Variants in ARID1B observed in about 807,000 individuals in gnomAD.
ARID1B encodes AT-rich interactive domain-containing protein 1B.
ARID1B carries 30 observed loss-of-function variants against 212.3 expected under a neutral mutation model. That is an observed-to-expected ratio of 0.14 (90% CI 0.11 to 0.19). The LOEUF (loss-of-function observed/expected upper bound fraction) is 0.19, where lower values mean the gene tolerates loss of function less well. ARID1B is among the 10% of genes least tolerant of loss of function. ARID1B has a pLI of 1.00. For synonymous variants in ARID1B, 1,402 were observed against 1,301.7 expected (o/e 1.08, Z -1.66); for missense variants, 2,891 against 3,204.0 (o/e 0.90, Z 2.36).
At chr6:156,935,668 C>A in intron 4 of ARID1B, 92 bp downstream of exon 4, 1 of 1,164,344 alleles carries the variant, frequency 8.6e-7, no homozygotes, top group Non-Finnish European at 1.2e-6. Flanking sequence ...TATATTATGA[C>A]ATGATTGAGA....
In ARID1B at chr6:156,823,772, A is replaced by G. The variant is rs553606021; in HGVS notation, c.1792-5455A>G. 2.7e-5 allele frequency among the ~76,000 whole-genome samples: 4 copies of G among 150,206 alleles called. No homozygotes were observed. In the South Asian group the frequency reaches 6.3e-4, roughly 24 times the overall value. ...AAAAAAGTAGTAAAATATGATATGC[A>G]TAAAGATGTATCTAATAAACTGTGT... On this transcript the variant is annotated intron_variant, in intron 1 of 19. Transcript: ENST00000636930.
At chr6:156,794,846 C>G (rs1305223924) in intron 1 of ARID1B, among the ~76,000 whole-genome samples, 1 of 152,042 alleles carries the variant, frequency 6.6e-6, no homozygotes, top group Non-Finnish European at 1.5e-5. Context: ...CTCCCAAAGT[C>G]TGGGATTACA....
At chr6:157,153,236 C>T (rs2128647114) in intron 8 of ARID1B, among the ~76,000 whole-genome samples, 1 of 152,036 alleles carries the variant, frequency 6.6e-6, no homozygotes, top group Middle Eastern at 3.4e-3. Flanking sequence ...TGAGTAAATT[C>T]CTCATTTTGA....
In ARID1B at chr6:156,984,048, C is replaced by T. The variant is rs182440052; in HGVS notation, c.2247+48472C>T. On this transcript the variant is annotated intron_variant, in intron 4 of 19. Transcript: ENST00000636930. ...AACAATCATTTTTTTTACCTCTCCC[C>T]ATTTCTTGGGATCAGGAAGTTGGGA... Among the ~76,000 whole-genome samples the T allele has an allele frequency of 5.9e-5, 9 of 152,210 alleles. No homozygotes were observed. In the East Asian group the frequency reaches 1.5e-3, roughly 26 times the overall value.
intron 1 of ARID1B, among the ~76,000 whole-genome samples, chr6:156,795,007 C>G (rs575399535): frequency 1.3e-5 from 2 of 152,256 alleles, no homozygotes; most frequent in East Asian, 1.9e-4. Context: ...GATCACATCA[C>G]CAGACATTAA....
intron 1 of ARID1B, among the ~76,000 whole-genome samples, chr6:156,786,556 C>G (rs961643319): frequency 6.6e-6 from 1 of 152,066 alleles, no homozygotes; most frequent in African/African-American, 2.4e-5. Flanking sequence ...TTTGTAAGAT[C>G]AGTTATGTAC....
chr6:156,962,512 C>G (rs1794454305), intron 4 of ARID1B, among the ~76,000 whole-genome samples: 1 of 152,190 alleles, frequency 6.6e-6, no homozygotes, highest in Admixed American at 6.5e-5. Context: ...CTGTGCCACC[C>G]AGGCTGGAGT....
chr6:156,778,329 A>G lies in ARID1B; in HGVS notation c.649A>G (p.Ile217Val). 1.3e-6 allele frequency: 2 copies of G among 1,541,826 alleles called. No homozygotes were observed. Among genetic ancestry groups the G allele is most frequent in the Non-Finnish European group, 1.7e-6 (2 of 1,145,488 alleles). The stretch of plus-strand genomic sequence containing the variant: ...GCAGCAGCAGCAACAGCAACATCCC[A>G]TTTCCAACAACAACAGCTTGGGCGG... ...QQQQQQQQHP[I>V]SNNNSLGGAG... Residue 217 changes from isoleucine (I) to valine (V), a missense_variant, in exon 1 of 20, where the codon ATT (isoleucine) becomes GTT (valine). Coordinates refer to ENST00000636930, the MANE Select transcript of ARID1B (RefSeq NM_001374828.1).
chr6:156,855,921 A>T (rs1784895168), intron 2 of ARID1B, among the ~76,000 whole-genome samples: 2 of 152,194 alleles, frequency 1.3e-5, no homozygotes, highest in African/African-American at 4.8e-5. Flanking sequence ...GAGAATAAAG[A>T]TTATAGTGGT....
At chr6:156,989,578 G>T (rs9322592) in intron 4 of ARID1B, among the ~76,000 whole-genome samples, 1 of 152,212 alleles carries the variant, frequency 6.6e-6, no homozygotes, top group African/African-American at 2.4e-5. Context: ...CAATTGGGCC[G>T]CCCCATAGTT....
intron 8 of ARID1B, among the ~76,000 whole-genome samples, chr6:157,161,979 G>A (rs1187135259): frequency 6.6e-6 from 1 of 152,186 alleles, no homozygotes; most frequent in Non-Finnish European, 1.5e-5. Context: ...ATTTGCAGTG[G>A]ATGTGCTGGA....
chr6:157,041,864 C>T (rs1361277452), intron 4 of ARID1B, among the ~76,000 whole-genome samples: 1 of 152,176 alleles, frequency 6.6e-6, no homozygotes, highest in Non-Finnish European at 1.5e-5. Flanking sequence ...CCACTCAACT[C>T]CTCTTACTAA....
intron 1 of ARID1B, among the ~76,000 whole-genome samples, chr6:156,815,031 G>T (rs1781864373): frequency 6.6e-6 from 1 of 152,114 alleles, no homozygotes; most frequent in Admixed American, 6.5e-5. Context: ...AAATATTGTT[G>T]AAAGACTGCG....
intron 2 of ARID1B, chr6:156,871,754 C>T (rs1786152835): frequency 2.9e-6 from 4 of 1,385,168 alleles, no homozygotes; most frequent in Non-Finnish European, 4.0e-6. Context: ...CCTGCAGGAA[C>T]AGGGGCTTCT....
intron 4 of ARID1B, among the ~76,000 whole-genome samples, chr6:156,990,702 A>G (rs1162384676): frequency 6.6e-6 from 1 of 152,084 alleles, no homozygotes; most frequent in Non-Finnish European, 1.5e-5. Flanking sequence ...TTGTTTTCCA[A>G]GCTGGTCTCA....
chr6:157,008,162 A>G (rs1430765683), intron 4 of ARID1B, among the ~76,000 whole-genome samples: 2 of 152,042 alleles, frequency 1.3e-5, no homozygotes, highest in African/African-American at 2.4e-5. Flanking sequence ...TAAAATATAC[A>G]TAACATAAAG....
chr6:156,791,720 A>G (rs2115195395), intron 1 of ARID1B, among the ~76,000 whole-genome samples: 1 of 152,284 alleles, frequency 6.6e-6, no homozygotes, highest in South Asian at 2.1e-4. Context: ...CAAGCTTTCT[A>G]CCTGGTCCAG....
At chr6:157,113,187 C>T (rs1431978236) in intron 6 of ARID1B, among the ~76,000 whole-genome samples, 4 of 152,160 alleles carry the variant, frequency 2.6e-5, no homozygotes, top group African/African-American at 9.7e-5. Context: ...TCTCAAAGTG[C>T]TGGGATTACA....
intron 3 of ARID1B, among the ~76,000 whole-genome samples, chr6:156,932,958 T>G (rs1445478764): frequency 6.6e-6 from 1 of 152,218 alleles, no homozygotes; most frequent in Non-Finnish European, 1.5e-5. Context: ...TATTTGAGAT[T>G]TTGGTGGCAT....
Sources: allele counts gnomAD v4.1 joint callset (sites outside exome capture counted in the v4.1 genomes callset), GRCh38; gene constraint gnomAD v4.1.1; transcripts MANE v1.5; gene names NCBI Gene and HGNC (gene_info 2026-07-23, HGNC 2026-07-21).